KALRN: variants seen among roughly 807,000 people sequenced by gnomAD.
KALRN encodes the protein kalirin.
A neutral mutation model predicts 353.7 loss-of-function variants in KALRN; 70 were observed. That is an observed-to-expected ratio of 0.20 (90% CI 0.16 to 0.24). KALRN has a LOEUF of 0.24. Among genes scored for constraint, KALRN ranks in the 10% least tolerant of loss-of-function variants. The probability of loss-of-function intolerance (pLI) is 1.00; values close to 1 mark genes in which losing one functional copy is unlikely to be tolerated. For synonymous variants in KALRN, 1,391 were observed against 1,434.8 expected (o/e 0.97, Z 0.69); for missense variants, 2,791 against 3,756.7 (o/e 0.74, Z 6.72).
Position 124,384,902 on chromosome 3 carries a change from G to C in KALRN, c.1828G>C (p.Gly610Arg), listed in dbSNP as rs760808499. ...LEAAEQLAQT[G>R]ECDPEEIYKA... ...AGCAGCAGAGCAGTTGGCTCAGACG[G>C]GGGAATGTGACCCCGAGGAGATCTA... The change falls in exon 11 of 60, where the codon GGG becomes CGG. Residue 610 changes from glycine to arginine, a missense_variant. By Grantham distance (125) the Gly-to-Arg change is moderately radical. Around this residue, in one of 11 missense-constraint regions of KALRN, gnomAD observed 452 missense variants for 575.8 expected, o/e 0.78. Coordinates refer to ENST00000682506, the MANE Select transcript of KALRN (RefSeq NM_001388419.1). The C allele has an allele frequency of 7.4e-6, 12 of 1,613,108 alleles. No homozygotes were observed. In the African/African-American group the frequency reaches 1.3e-4, roughly 18 times the overall value.
intron 1 of KALRN, among the ~76,000 whole-genome samples, chr3:124,040,598 G>C (rs889468237): frequency 2.6e-5 from 4 of 152,224 alleles, no homozygotes; most frequent in Non-Finnish European, 5.9e-5. Context: ...ATAGCCAGAG[G>C]ATGACAGGCT....
intron 21 of KALRN, among the ~76,000 whole-genome samples, chr3:124,449,333 C>A (rs887717662): frequency 2.6e-5 from 4 of 151,796 alleles, no homozygotes; most frequent in African/African-American, 9.7e-5. Flanking sequence ...TAAAAGCTCA[C>A]AAATACAAGA....
intron 9 of KALRN, among the ~76,000 whole-genome samples, chr3:124,337,157 C>G (rs1171572364): frequency 6.6e-6 from 1 of 152,178 alleles, no homozygotes; most frequent in Non-Finnish European, 1.5e-5. Flanking sequence ...ATTTCTTTCT[C>G]TTGCCTGATT....
rs74317721 is a variant in KALRN at position 124,184,410 on chromosome 3, G to A, written c.74-43580G>A. Among the ~76,000 whole-genome samples, 109 of 152,296 alleles carry A rather than the reference G, an allele frequency of 7.2e-4. No homozygotes were observed. The South Asian group carries it at 0.015, about 20-fold the overall frequency. On this transcript the variant is annotated intron_variant, in intron 1 of 59. Coordinates refer to ENST00000682506, the MANE Select transcript of KALRN (RefSeq NM_001388419.1). Reference sequence around the variant, plus strand: ...ATCTTATGTCATTCCTTTGGGTTAAGCTTCTCAGTGCTTGTGTAGTAAGTC... The same window carrying A: ...ATCTTATGTCATTCCTTTGGGTTAAACTTCTCAGTGCTTGTGTAGTAAGTC...
intron 33 of KALRN, among the ~76,000 whole-genome samples, chr3:124,522,817 A>C (rs1207210208): frequency 6.6e-6 from 1 of 152,228 alleles, no homozygotes; most frequent in African/African-American, 2.4e-5. Context: ...TCCATTCATT[A>C]GGATGCATGG....
intron 1 of KALRN, among the ~76,000 whole-genome samples, chr3:124,125,994 C>G (rs2064615858): frequency 6.6e-6 from 1 of 152,120 alleles, no homozygotes; most frequent in Non-Finnish European, 1.5e-5. Context: ...CACCTCATAC[C>G]CCCAAATCTC....
rs1264099555 is a variant in KALRN at position 124,330,242 on chromosome 3, TCTCTCACA to T, written c.1416+252_1416+259del. On this transcript the variant is annotated intron_variant, in intron 8 of 59. Transcript: ENST00000682506. ...CACTCGCATTCATTCTCTCTCTCTC[TCTCTCACA>T]CACACACACACACACACACACACAC... Among the ~76,000 whole-genome samples the T allele has an allele frequency of 1.2e-3, 129 of 104,364 alleles. 1 individual carries two copies. The highest frequency in any genetic ancestry group is 5.3e-3 in the African/African-American group (125 of 23,500). 68.5% of individuals were successfully genotyped at this position (104,364 alleles called of 152,430 possible).
At chr3:124,140,401 G>A (rs1043976671) in intron 1 of KALRN, among the ~76,000 whole-genome samples, 1 of 152,150 alleles carries the variant, frequency 6.6e-6, no homozygotes, top group Admixed American at 6.5e-5. Flanking sequence ...GATATTTTAG[G>A]GGCCATGAGC....
Position 124,488,363 on chromosome 3 carries a change from G to A in KALRN, c.4396+48G>A, listed in dbSNP as rs368956532. The stretch of plus-strand genomic sequence containing the variant: ...GGAAGCCTCCTCTCTTCCTTGACAC[G>A]GGGGAGCTTGTATCATGGGAGGGAA... On this transcript the variant is annotated intron_variant, in intron 29 of 59. Coordinates refer to ENST00000682506, the MANE Select transcript of KALRN (RefSeq NM_001388419.1). 4.7e-5 allele frequency: 57 copies of A among 1,216,014 alleles called. No individual in the cohort carries two copies. The East Asian group carries it at 7.4e-4, about 16-fold the overall frequency. 75.3% of individuals were successfully genotyped at this position (1,216,014 alleles called of 1,614,324 possible).
At chr3:124,580,226 A>G (rs979647504) in intron 34 of KALRN, among the ~76,000 whole-genome samples, 5 of 152,190 alleles carry the variant, frequency 3.3e-5, no homozygotes, top group Non-Finnish European at 7.3e-5. Flanking sequence ...ATTCTGATGT[A>G]TACTTGAGTT....
Position 124,269,038 on chromosome 3 carries a change from G to A in KALRN, c.752G>A (p.Gly251Glu). 1 of 1,612,968 alleles carries A rather than the reference G, an allele frequency of 6.2e-7. No individual in the cohort carries two copies. Among genetic ancestry groups the A allele is most frequent in the Non-Finnish European group, 8.5e-7 (1 of 1,179,698 alleles). The change falls in exon 5 of 60, where the codon GGG (glycine) becomes GAG (glutamate). Residue 251 changes from glycine to glutamate, a missense_variant. Around this residue, in one of 11 missense-constraint regions of KALRN, gnomAD observed 366 missense variants for 489.2 expected, o/e 0.75. Transcript: ENST00000682506. ...KAPVEELDRE[G>E]QRLLQCIRCS... Reference sequence around the variant, plus strand: ...CCTGTGGAGGAGCTGGACCGGGAGGGGCAGCGGCTGCTGCAGTGCATCCGC... The same window carrying A: ...CCTGTGGAGGAGCTGGACCGGGAGGAGCAGCGGCTGCTGCAGTGCATCCGC...
rs767450216 is a variant in KALRN at position 124,546,963 on chromosome 3, T to TTGAA, written c.4936-15868_4936-15865dup. Among the ~76,000 whole-genome samples, 9 of 152,106 alleles carry TTGAA rather than the reference T, an allele frequency of 5.9e-5. No individual in the cohort carries two copies. The East Asian group carries it at 1.2e-3, about 20-fold the overall frequency. On this transcript the variant is annotated intron_variant, in intron 33 of 59. Transcript: ENST00000682506. ...GAGGCAGAATACTCACACGGATTTG[T>TTGAA]TGAATGAATGAATGAGCGAATGAAT...
At chr3:124,592,212 G>T (rs959929810) in intron 34 of KALRN, among the ~76,000 whole-genome samples, 3 of 150,132 alleles carry the variant, frequency 2.0e-5, no homozygotes, top group Admixed American at 1.3e-4. Context: ...TGAGTCAGGA[G>T]AATTGCTTGA....
At chr3:124,624,601 G>C (rs2079718727) in intron 34 of KALRN, among the ~76,000 whole-genome samples, 1 of 152,200 alleles carries the variant, frequency 6.6e-6, no homozygotes, top group South Asian at 2.1e-4. Context: ...TAACCCCCAA[G>C]ATGGTATCTG....
intron 10 of KALRN, among the ~76,000 whole-genome samples, chr3:124,379,122 T>C (rs2086969300): frequency 6.6e-6 from 1 of 152,316 alleles, no homozygotes; most frequent in South Asian, 2.1e-4. Flanking sequence ...TATTTTAGTT[T>C]AAATACTTAC....
At chr3:124,505,712 G>T (rs2065135473) in intron 33 of KALRN, among the ~76,000 whole-genome samples, 1 of 152,234 alleles carries the variant, frequency 6.6e-6, no homozygotes, top group South Asian at 2.1e-4. Flanking sequence ...ATGTAGAGTA[G>T]GTGGGGCAGG....
chr3:124,249,670 G>A (rs1550749), intron 3 of KALRN, among the ~76,000 whole-genome samples: 51,256 of 151,932 alleles, frequency 0.34, 9,800 homozygotes, highest in African/African-American at 0.53. Flanking sequence ...CATATGTGGA[G>A]GGATTCTTCC....
At chr3:124,154,231 AT>A (rs2068632338) in intron 1 of KALRN, among the ~76,000 whole-genome samples, 1 of 152,214 alleles carries the variant, frequency 6.6e-6, no homozygotes, top group Non-Finnish European at 1.5e-5. Context: ...CACCACTTCT[AT>A]TCAACATAGT....
intron 1 of KALRN, among the ~76,000 whole-genome samples, chr3:124,113,109 A>G (rs2063143646): frequency 6.6e-6 from 1 of 152,198 alleles, no homozygotes; most frequent in Non-Finnish European, 1.5e-5. Flanking sequence ...TATGCTGAGT[A>G]GTTAAGTGGG....
Sources: gnomAD v4.1 joint callset for allele counts (sites outside exome capture counted in the v4.1 genomes callset) on GRCh38, gnomAD v4.1.1 for gene constraint, gnomAD v4.1.1 regional missense constraint, MANE v1.5 for transcripts, NCBI Gene and HGNC (gene_info 2026-07-23, HGNC 2026-07-21) for gene names.